The following UBE2D3 variants were observed in gnomAD, a reference collection of about 807,000 sequenced individuals.
UBE2D3 encodes ubiquitin-conjugating enzyme E2 D3.
Under a neutral mutation model 22.8 loss-of-function variants are expected in UBE2D3, and 2 were observed. The ratio of observed to expected loss-of-function variants is 0.09; its 90% CI spans 0.04 to 0.28. The LOEUF (loss-of-function observed/expected upper bound fraction) is 0.28. Among genes scored for constraint, UBE2D3 ranks in the 10% least tolerant of loss-of-function variants. The pLI, the probability that UBE2D3 is intolerant of heterozygous loss-of-function variation, is 1.00. For missense variants in UBE2D3, 27 were observed against 182.5 expected (o/e 0.15, Z 4.91); for synonymous variants, 56 against 60.4 (o/e 0.93, Z 0.34).
At chr4:102,819,528 T>C (rs1729257726) in intron 2 of UBE2D3, 2 of 983,496 alleles carry the variant, frequency 2.0e-6, no homozygotes, top group Non-Finnish European at 2.4e-6. Flanking sequence ...CAGATCAACA[T>C]AACCAAAAGG....
At chr4:102,846,239 T>G (rs528716880) in intron 1 of UBE2D3, among the ~76,000 whole-genome samples, 7 of 152,150 alleles carry the variant, frequency 4.6e-5, no homozygotes, top group Non-Finnish European at 8.8e-5. Flanking sequence ...TCCTAGGAAA[T>G]AGTGGTGCTC....
intron 1 of UBE2D3, among the ~76,000 whole-genome samples, chr4:102,849,517 T>C (rs1298012115): frequency 6.6e-6 from 1 of 151,918 alleles, no homozygotes; most frequent in Non-Finnish European, 1.5e-5. Flanking sequence ...ATCCAGAATA[T>C]ATAAATGATT....
intron 7 of UBE2D3, chr4:102,798,871 G>C (rs778179217): frequency 1.9e-5 from 29 of 1,541,646 alleles, no homozygotes; most frequent in Non-Finnish European, 2.5e-5. Context: ...AACGCATGCA[G>C]CACTCAAGTG....
chr4:102,819,522 T>C (rs1371989946), intron 2 of UBE2D3: 1 of 980,230 alleles, frequency 1.0e-6, no homozygotes, highest in African/African-American at 1.8e-5. Context: ...GTTCATCAGA[T>C]CAACATAACC....
chr4:102,812,780 G>A (rs111787925), intron 2 of UBE2D3: 264 of 152,292 alleles, frequency 1.7e-3, no homozygotes, highest in African/African-American at 6.1e-3. Context: ...TACATAAAGT[G>A]TTTTTGTCTT....
chr4:102,823,838 C>T (rs1443358472), intron 2 of UBE2D3, among the ~76,000 whole-genome samples: 3 of 152,230 alleles, frequency 2.0e-5, no homozygotes, highest in Non-Finnish European at 4.4e-5. Flanking sequence ...AAGGTTAAAA[C>T]TATTCCAATA....
chr4:102,797,507 A>G (rs904537298), intron 7 of UBE2D3, 47 bp from the exon 8 acceptor site: 24 of 1,442,998 alleles, frequency 1.7e-5, no homozygotes, highest in Non-Finnish European at 2.2e-5. Flanking sequence ...AAGAATTCCT[A>G]ATACTTTAAA....
chr4:102,799,478 C>T lies in UBE2D3; in HGVS notation c.327G>A (p.Leu109=). ...ISKVLLSICS[L]LCDPNPDDPL... is the part of the protein sequence containing the mutation. ...GGTCATCTGGGTTTGGATCACATAG[C>T]AGTGAACAAATGGATAAAAGAACTG... Residue 109 remains leucine, a synonymous_variant, in exon 7 of 8, where the codon CTG becomes CTA. Transcript: ENST00000453744. The T allele has an allele frequency of 3.1e-6, 5 of 1,611,476 alleles. No individual in the cohort carries two copies. The highest frequency in any genetic ancestry group is 4.2e-6 in the Non-Finnish European group (5 of 1,178,210).
chr4:102,864,789 A>T (rs1176784988), intron 1 of UBE2D3, among the ~76,000 whole-genome samples: 1 of 152,236 alleles, frequency 6.6e-6, no homozygotes, highest in Non-Finnish European at 1.5e-5. Context: ...ACTTACTTAT[A>T]TAGTTGTAGC....
chr4:102,819,577 T>A, intron 2 of UBE2D3: 1 of 985,380 alleles, frequency 1.0e-6, no homozygotes, highest in Non-Finnish European at 1.2e-6. Flanking sequence ...GTCAACCCTA[T>A]TAAAGCGTAA....
At chr4:102,824,657 T>C (rs1038919178) in intron 2 of UBE2D3, among the ~76,000 whole-genome samples, 1 of 152,250 alleles carries the variant, frequency 6.6e-6, no homozygotes, top group Non-Finnish European at 1.5e-5. Context: ...TCACAGCAGC[T>C]GGGTATGACC....
chr4:102,814,530 T>C (rs930854753), intron 2 of UBE2D3, among the ~76,000 whole-genome samples: 10 of 150,544 alleles, frequency 6.6e-5, no homozygotes, highest in African/African-American at 2.4e-4. Context: ...CTCGAAATCC[T>C]GACCTCAAGT....
intron 1 of UBE2D3, among the ~76,000 whole-genome samples, chr4:102,835,105 T>C (rs1277753812): frequency 6.6e-6 from 1 of 152,178 alleles, no homozygotes; most frequent in East Asian, 1.9e-4. Flanking sequence ...TAAATTATAA[T>C]GAAGAAGCCT....
intron 1 of UBE2D3, among the ~76,000 whole-genome samples, chr4:102,864,972 A>T (rs1733078167): frequency 6.6e-6 from 1 of 152,240 alleles, no homozygotes; most frequent in African/African-American, 2.4e-5. Flanking sequence ...TATGTAAAAT[A>T]ATAACAAATG....
Position 102,868,854 on chromosome 4 carries a change from G to A in UBE2D3, c.-268C>T, listed in dbSNP as rs1273298796. 6 of 1,534,620 alleles carry A rather than the reference G, an allele frequency of 3.9e-6. No individual in the cohort carries two copies. The East Asian group carries it at 1.4e-4, about 35-fold the overall frequency. ...ACCTTCACACGAGATTCCGAGGAGG[G>A]CCTCGCTACCCGCCAGTTCCCGCGC... On this transcript the variant is annotated 5_prime_UTR_variant, in exon 1 of 8. Coordinates refer to the UBE2D3 transcript ENST00000338145.
intron 1 of UBE2D3, among the ~76,000 whole-genome samples, chr4:102,861,598 C>T (rs1451466140): frequency 6.6e-6 from 1 of 151,906 alleles, no homozygotes; most frequent in Non-Finnish European, 1.5e-5. Context: ...GTTCCATAAA[C>T]TTCTGAGGTA....
intron 1 of UBE2D3, among the ~76,000 whole-genome samples, chr4:102,852,620 T>C (rs926686262): frequency 1.3e-5 from 2 of 152,240 alleles, no homozygotes; most frequent in Non-Finnish European, 2.9e-5. Flanking sequence ...TAATATTTTA[T>C]AGGATGCAGG....
At chr4:102,855,013 G>A (rs564321155) in intron 1 of UBE2D3, among the ~76,000 whole-genome samples, 1 of 152,280 alleles carries the variant, frequency 6.6e-6, no homozygotes, top group Admixed American at 6.5e-5. Context: ...AAAAAGTGGG[G>A]CTGACCAGAT....
At chr4:102,808,369 A>G (rs1365613977) in intron 4 of UBE2D3, among the ~76,000 whole-genome samples, 1 of 152,210 alleles carries the variant, frequency 6.6e-6, no homozygotes, top group African/African-American at 2.4e-5. Context: ...AAATTAGATA[A>G]AAGTAAGTAC....
Sources: gnomAD v4.1 joint callset for allele counts (sites outside exome capture counted in the v4.1 genomes callset) on GRCh38, gnomAD v4.1.1 for gene constraint, MANE v1.5 for transcripts, NCBI Gene and HGNC (gene_info 2026-07-23, HGNC 2026-07-21) for gene names.